Variants in ST18 observed in about 807,000 individuals in gnomAD.
ST18 encodes ST18 C2H2C-type zinc finger transcription factor, also known as suppression of tumorigenicity 18 protein.
A neutral mutation model predicts 110.0 loss-of-function variants in ST18; 50 were observed. The observed-to-expected ratio is 0.45, with a 90% confidence interval of 0.36 to 0.58. The LOEUF is 0.58. Among genes scored for constraint, ST18 ranks in the 20% least tolerant of loss-of-function variants. The pLI is 0.00. For synonymous variants in ST18, 461 were observed against 452.4 expected (o/e 1.02, Z -0.24); for missense variants, 1,306 against 1,280.1 (o/e 1.02, Z -0.31).
In ST18 at chr8:52,149,949, C is replaced by G; in HGVS notation, c.1835G>C (p.Gly612Ala). 6.2e-7 allele frequency: 1 copy of G among 1,613,878 alleles called. No individual in the cohort carries two copies. Among genetic ancestry groups the G allele is most frequent in the Non-Finnish European group, 8.5e-7 (1 of 1,179,948 alleles). ...KGAEIEVDEN[G>A]TLDLSMKKNR... Reference sequence around the variant, plus strand: ...TTTTTTCATGCTTAAGTCCAATGTGCCATTTTCATCCACTTCTATTTCGGC... The same window carrying G: ...TTTTTTCATGCTTAAGTCCAATGTGGCATTTTCATCCACTTCTATTTCGGC... Residue 612 changes from glycine (G) to alanine (A), a missense_variant, in exon 16 of 26, where the codon GGC becomes GCC. Physicochemically the swap from Gly to Ala is moderately conservative, Grantham distance 60. Transcript: ENST00000689386.
chr8:52,240,378 A>T (rs2093279357), intron 2 of ST18, among the ~76,000 whole-genome samples: 1 of 152,162 alleles, frequency 6.6e-6, no homozygotes, highest in Non-Finnish European at 1.5e-5. Flanking sequence ...CTACCTTATT[A>T]TACAGAAAAT....
chr8:52,303,595 C>T (rs2095764690), intron 2 of ST18, among the ~76,000 whole-genome samples: 2 of 152,220 alleles, frequency 1.3e-5, no homozygotes, highest in Admixed American at 6.5e-5. Flanking sequence ...ACCAATACAA[C>T]TTACACAACA....
rs944928647 is a variant in ST18, at chr8:52,116,331, C to G, written c.2947G>C (p.Ala983Pro). 8.1e-6 allele frequency: 13 copies of G among 1,613,912 alleles called. No individual in the cohort carries two copies. The highest frequency in any genetic ancestry group is 2.7e-5 in the African/African-American group (2 of 74,924). ...QNNESLLKEL[A>P]GLSQALISSL... is the part of the protein sequence containing the mutation. Reference sequence around the variant, plus strand: ...GAAATGAGAGCTTGGCTTAGACCTGCCAGCTCTTTCAGCAGACTTTCATTG... The same window carrying G: ...GAAATGAGAGCTTGGCTTAGACCTGGCAGCTCTTTCAGCAGACTTTCATTG... Residue 983 changes from alanine (A) to proline (P), a missense_variant, in exon 25 of 26, where the codon GCA becomes CCA. By Grantham distance (27) the Ala-to-Pro change is conservative. Transcript: ENST00000689386.
chr8:52,355,531 A>G (rs1270698568), intron 2 of ST18, among the ~76,000 whole-genome samples: 1 of 152,206 alleles, frequency 6.6e-6, no homozygotes, highest in Non-Finnish European at 1.5e-5. Flanking sequence ...AGAGGTGGGA[A>G]CTCTAGGGCT....
intron 8 of ST18, among the ~76,000 whole-genome samples, chr8:52,204,992 C>A (rs115895417): frequency 1.3e-5 from 2 of 151,820 alleles, no homozygotes; most frequent in African/African-American, 4.8e-5. Context: ...TCATTAGCTC[C>A]GTAGTATTTT....
chr8:52,134,171 A>C (rs951725674), intron 19 of ST18, among the ~76,000 whole-genome samples: 1 of 152,200 alleles, frequency 6.6e-6, no homozygotes, highest in Non-Finnish European at 1.5e-5. Flanking sequence ...GAACCTCAAT[A>C]ATTTGCACCT....
chr8:52,296,700 A>C (rs2095642412), intron 2 of ST18: 1 of 152,146 alleles, frequency 6.6e-6, no homozygotes, highest in South Asian at 2.1e-4. Flanking sequence ...GCAATATAAT[A>C]CTATGTTTGT....
chr8:52,370,869 G>A (rs1378485316), intron 2 of ST18, among the ~76,000 whole-genome samples: 2 of 152,158 alleles, frequency 1.3e-5, no homozygotes, highest in Non-Finnish European at 2.9e-5. Flanking sequence ...TTGCATGTGT[G>A]TACTGAAATA....
intron 2 of ST18, among the ~76,000 whole-genome samples, chr8:52,313,947 T>C (rs2095973925): frequency 6.6e-6 from 1 of 152,132 alleles, no homozygotes. Flanking sequence ...GTGGCCACAA[T>C]GAAAGAGCTT....
intron 2 of ST18, among the ~76,000 whole-genome samples, chr8:52,389,105 G>A (rs1363775933): frequency 6.6e-6 from 1 of 152,182 alleles, no homozygotes; most frequent in Non-Finnish European, 1.5e-5. Context: ...AAGAGGAGGC[G>A]AGGCGAGCCT....
At chr8:52,121,678 T>C (rs149076611) in intron 23 of ST18, among the ~76,000 whole-genome samples, 1 of 151,506 alleles carries the variant, frequency 6.6e-6, no homozygotes, top group Non-Finnish European at 1.5e-5. Context: ...TTCCAGAATA[T>C]GTTCTTTTAA....
At chr8:52,221,326 T>C (rs1443298311) in intron 4 of ST18, among the ~76,000 whole-genome samples, 1 of 152,216 alleles carries the variant, frequency 6.6e-6, no homozygotes, top group Non-Finnish European at 1.5e-5. Flanking sequence ...GGGTTCTTTT[T>C]AACGAGACCA....
At chr8:52,221,911 A>C (rs1035813875) in intron 3 of ST18, 118 bp from the exon 4 acceptor site, 6 of 106,238 alleles carry the variant, frequency 5.6e-5, no homozygotes, top group African/African-American at 1.7e-4. Context: ...ATTGCAACTA[A>C]AAAAAAAAAA....
At chr8:52,130,907 T>A (rs973525022) in intron 22 of ST18, among the ~76,000 whole-genome samples, 8 of 152,252 alleles carry the variant, frequency 5.3e-5, no homozygotes, top group Non-Finnish European at 1.0e-4. Flanking sequence ...CCATTAGGCA[T>A]ACTTGATTTG....
chr8:52,353,251 C>T (rs1026648827), intron 2 of ST18, among the ~76,000 whole-genome samples: 7 of 152,186 alleles, frequency 4.6e-5, no homozygotes, highest in Non-Finnish European at 8.8e-5. Flanking sequence ...TGTCGAAGCA[C>T]TTTACATGTT....
At chr8:52,298,458 A>G (rs1424653934) in intron 2 of ST18, among the ~76,000 whole-genome samples, 1 of 152,264 alleles carries the variant, frequency 6.6e-6, no homozygotes, top group Non-Finnish European at 1.5e-5. Context: ...CAACCTAATT[A>G]AGTAAAAGGC....
chr8:52,339,072 A>G (rs951319200), intron 2 of ST18, among the ~76,000 whole-genome samples: 1 of 152,080 alleles, frequency 6.6e-6, no homozygotes, highest in African/African-American at 2.4e-5. Context: ...TTAGGGTTTC[A>G]TGAGTCCAAA....
chr8:52,203,383 C>T (rs1412767015), intron 8 of ST18, among the ~76,000 whole-genome samples: 2 of 152,062 alleles, frequency 1.3e-5, no homozygotes, highest in African/African-American at 2.4e-5. Flanking sequence ...TTCTGCCAAC[C>T]TTTGTACCAT....
intron 2 of ST18, among the ~76,000 whole-genome samples, chr8:52,349,491 TCTAA>T (rs1378787852): frequency 6.6e-6 from 1 of 152,190 alleles, no homozygotes. Context: ...CACCCAGCCA[TCTAA>T]AAATAGGTCC....
Sources: gnomAD v4.1 joint callset for allele counts (sites outside exome capture counted in the v4.1 genomes callset) on GRCh38, gnomAD v4.1.1 for gene constraint, MANE v1.5 for transcripts, NCBI Gene and HGNC (gene_info 2026-07-23, HGNC 2026-07-21) for gene names.